OPCML: variants seen among roughly 807,000 people sequenced by gnomAD.
OPCML encodes the protein opioid-binding protein/cell adhesion molecule.
In OPCML, 13 loss-of-function variants were observed where a neutral mutation model predicts 37.8. That is an observed-to-expected ratio of 0.34 (90% CI 0.22 to 0.55). OPCML has a LOEUF of 0.55. Among genes scored for constraint, OPCML ranks in the 20% least tolerant of loss-of-function variants. The pLI, the probability that OPCML is intolerant of heterozygous loss-of-function variation, is 0.91. For missense variants in OPCML, 341 were observed against 435.6 expected (o/e 0.78, Z 1.93); for synonymous variants, 176 against 168.8 (o/e 1.04, Z -0.33).
rs1388898502 is a variant in OPCML, at chr11:133,212,462, C to G, written c.62-269452G>C. 6.6e-6 allele frequency among the ~76,000 whole-genome samples: 1 copy of G among 152,196 alleles called. No homozygotes were observed. Among genetic ancestry groups the G allele is most frequent in the African/African-American group, 2.4e-5 (1 of 41,450 alleles). On this transcript the variant is annotated intron_variant, in intron 1 of 7. Coordinates refer to ENST00000524381, the MANE Select transcript of OPCML (RefSeq NM_001012393.5). The surrounding 1 kb of genome is among the most constrained non-coding windows in gnomAD (Gnocchi z 4.9). Reference sequence around the variant, plus strand: ...AAGCTCTTTCCCCATGCCTGGTCAACCCCTCACCTTCCTCAAGTCTTTGCT... The same window carrying G: ...AAGCTCTTTCCCCATGCCTGGTCAAGCCCTCACCTTCCTCAAGTCTTTGCT...
chr11:133,501,256 G>A (rs2120540160), intron 1 of OPCML, among the ~76,000 whole-genome samples: 1 of 152,280 alleles, frequency 6.6e-6, no homozygotes, highest in Admixed American at 6.5e-5. Flanking sequence ...CTCCAGGGAT[G>A]ACGTTCCCCT....
chr11:132,921,139 C>T (rs1944784968), intron 2 of OPCML, among the ~76,000 whole-genome samples: 1 of 152,146 alleles, frequency 6.6e-6, no homozygotes, highest in African/African-American at 2.4e-5. Flanking sequence ...TTAAAACTTC[C>T]TTTCGACAGC....
At chr11:133,509,396 G>A (rs1948106216) in intron 1 of OPCML, among the ~76,000 whole-genome samples, 1 of 152,230 alleles carries the variant, frequency 6.6e-6, no homozygotes. Flanking sequence ...CAAAGGACAT[G>A]ATCTCATTCC....
intron 2 of OPCML, among the ~76,000 whole-genome samples, chr11:132,819,138 A>G (rs1289983860): frequency 6.6e-6 from 1 of 151,996 alleles, no homozygotes; most frequent in Admixed American, 6.6e-5. Flanking sequence ...AATTTTGTGC[A>G]TACCAGAAGG....
chr11:132,763,184 C>G (rs1946325458), intron 2 of OPCML, among the ~76,000 whole-genome samples: 1 of 152,130 alleles, frequency 6.6e-6, no homozygotes, highest in Non-Finnish European at 1.5e-5. Flanking sequence ...CTGGGTACCT[C>G]AGTTGGAAAT....
intron 3 of OPCML, among the ~76,000 whole-genome samples, chr11:132,636,442 G>T (rs904026177): frequency 2.6e-5 from 4 of 152,178 alleles, no homozygotes; most frequent in Non-Finnish European, 4.4e-5. Context: ...AAAACACAGG[G>T]CCTAGAATAT....
chr11:133,107,733 T>C (rs1949182843), intron 1 of OPCML, among the ~76,000 whole-genome samples: 1 of 152,262 alleles, frequency 6.6e-6, no homozygotes, highest in Admixed American at 6.5e-5. Flanking sequence ...TGCCTTGAAG[T>C]GCTTTCATGA....
chr11:132,525,007 C>A (rs1289718322), intron 4 of OPCML, among the ~76,000 whole-genome samples: 2 of 152,182 alleles, frequency 1.3e-5, no homozygotes, highest in Non-Finnish European at 2.9e-5. Context: ...ATTCCCTTGC[C>A]TCCTCCCACT....
Position 132,869,474 on chromosome 11 carries a change from T to C in OPCML, c.146+73452A>G, listed in dbSNP as rs143282419. Among the ~76,000 whole-genome samples, 537 of 152,108 alleles carry C rather than the reference T, an allele frequency of 3.5e-3. 2 individuals are homozygous for C. The highest frequency in any genetic ancestry group is 0.012 in the African/African-American group (514 of 41,460). On this transcript the variant is annotated intron_variant, in intron 2 of 7. Coordinates refer to ENST00000524381, the MANE Select transcript of OPCML (RefSeq NM_001012393.5). ...TAAATATCGAACACCTACATGCATC[T>C]GAATAAAAATACTTACAACCTGGGA...
chr11:133,516,634 C>T (rs561747670), intron 1 of OPCML, among the ~76,000 whole-genome samples: 1 of 152,266 alleles, frequency 6.6e-6, no homozygotes, highest in Non-Finnish European at 1.5e-5. Context: ...CCAGCCTAAA[C>T]CAGGAAAGCT....
chr11:133,044,414 A>T (rs961943134), intron 1 of OPCML, among the ~76,000 whole-genome samples: 1 of 152,192 alleles, frequency 6.6e-6, no homozygotes, highest in Non-Finnish European at 1.5e-5. Context: ...AGGTAAGCTC[A>T]CTAAGGAGAG....
chr11:132,465,517 TC>T (rs1314305887), intron 4 of OPCML, among the ~76,000 whole-genome samples: 12 of 151,414 alleles, frequency 7.9e-5, no homozygotes, highest in African/African-American at 2.9e-4. Flanking sequence ...GTTTATTTAA[TC>T]AATTTTTCGA....
chr11:132,504,564 AG>A (rs1453358774), intron 4 of OPCML, among the ~76,000 whole-genome samples: 17 of 151,958 alleles, frequency 1.1e-4, no homozygotes, highest in Admixed American at 1.1e-3. Flanking sequence ...TCCACTTGGA[AG>A]TGGAAGATGC....
At chr11:132,602,364 A>T (rs1156394001) in intron 3 of OPCML, among the ~76,000 whole-genome samples, 3 of 152,210 alleles carry the variant, frequency 2.0e-5, no homozygotes, top group African/African-American at 7.2e-5. Flanking sequence ...ATAGATTGTT[A>T]TACTGCACCT....
At chr11:132,589,558 A>AT (rs2096480797) in intron 3 of OPCML, among the ~76,000 whole-genome samples, 5 of 152,194 alleles carry the variant, frequency 3.3e-5, no homozygotes, top group African/African-American at 1.2e-4. Context: ...ACACAAGAAG[A>AT]TAATAGATTT....
At chr11:133,076,127 T>G (rs148513701) in intron 1 of OPCML, among the ~76,000 whole-genome samples, 2,363 of 152,302 alleles carry the variant, frequency 0.016, 30 homozygotes, top group Non-Finnish European at 0.022. Context: ...GTACACTTTT[T>G]TGTTTTTTTC....
intron 1 of OPCML, among the ~76,000 whole-genome samples, chr11:132,974,706 T>G (rs530004455): frequency 1.5e-4 from 23 of 152,296 alleles, no homozygotes; most frequent in Non-Finnish European, 2.5e-4. Flanking sequence ...ACATGTATGT[T>G]TATTGCAGCA....
At chr11:132,467,096 G>A (rs957144103) in intron 4 of OPCML, among the ~76,000 whole-genome samples, 1 of 152,196 alleles carries the variant, frequency 6.6e-6, no homozygotes, top group Non-Finnish European at 1.5e-5. Context: ...TACCTGGCCT[G>A]AGATACGGCA....
At chr11:133,471,124 A>C (rs1340791637) in intron 1 of OPCML, among the ~76,000 whole-genome samples, 1 of 152,212 alleles carries the variant, frequency 6.6e-6, no homozygotes, top group African/African-American at 2.4e-5. Context: ...ACAGCTAGCA[A>C]TACAGGAAAT....
Sources: gnomAD v4.1 joint callset for allele counts (sites outside exome capture counted in the v4.1 genomes callset) on GRCh38, gnomAD v4.1.1 for gene constraint, Gnocchi (gnomAD v3.1) non-coding constraint, MANE v1.5 for transcripts, NCBI Gene and HGNC (gene_info 2026-07-23, HGNC 2026-07-21) for gene names.